CDKAL1: variants seen among roughly 807,000 people sequenced by gnomAD.
The protein encoded by CDKAL1 is threonylcarbamoyladenosine tRNA methylthiotransferase.
In CDKAL1, 32 loss-of-function variants were observed where a neutral mutation model predicts 68.2. The observed-to-expected ratio is 0.47, with a 90% CI of 0.35 to 0.63. The LOEUF is 0.63. Among genes scored for constraint, CDKAL1 ranks in the 30% least tolerant of loss-of-function variants. The pLI is 0.00. For synonymous variants in CDKAL1, 234 were observed against 244.3 expected, an observed-to-expected ratio of 0.96 and a Z score of 0.39; for missense variants, 606 against 696.7, an observed-to-expected ratio of 0.87 and a Z score of 1.47.
At chr6:21,125,683 A>C (rs917353423) in intron 13 of CDKAL1, among the ~76,000 whole-genome samples, 19 of 152,280 alleles carry the variant, frequency 1.2e-4, no homozygotes, top group East Asian at 3.9e-4. Context: ...CCATCTCAAA[A>C]AAACAAACAA....
intron 4 of CDKAL1, among the ~76,000 whole-genome samples, chr6:20,618,722 A>G: frequency 6.6e-6 from 1 of 151,726 alleles, no homozygotes; most frequent in Non-Finnish European, 1.5e-5. Flanking sequence ...TCTGTCACCC[A>G]GGCTGGAGTG....
intron 15 of CDKAL1, among the ~76,000 whole-genome samples, chr6:21,229,224 G>A (rs138427220): frequency 0.017 from 2,651 of 152,196 alleles, 37 homozygotes; most frequent in Admixed American, 0.056. Context: ...GTGGAAACTG[G>A]GCTGTAGAAG....
In CDKAL1 at chr6:20,613,249, C is replaced by CTTTTTTTTTTT. The variant is rs71559677; in HGVS notation, c.287-36011_287-36001dup. 5.0e-4 allele frequency among the ~76,000 whole-genome samples: 39 copies of CTTTTTTTTTTT among 77,866 alleles called. 8 individuals are homozygous for CTTTTTTTTTTT. Among genetic ancestry groups the CTTTTTTTTTTT allele is most frequent in the Admixed American group, 8.1e-4 (5 of 6,174 alleles). The allele number at this position is 77,866 out of a possible 152,430, so 51.1% of individuals were successfully genotyped here. ...TATCAGTTCATCACAAAATTTCTTT[C>CTTTTTTTTTTT]TTTTTTTTTTTTTTTTTTTTTTTTT... On this transcript the variant is annotated intron_variant, in intron 4 of 15. Transcript: ENST00000274695.
At chr6:21,014,130 A>C (rs953933432) in intron 11 of CDKAL1, among the ~76,000 whole-genome samples, 2 of 152,212 alleles carry the variant, frequency 1.3e-5, no homozygotes, top group African/African-American at 4.8e-5. Context: ...GAAATTGTAC[A>C]GGACACTTCA....
At chr6:21,219,707 A>G (rs1041808496) in intron 15 of CDKAL1, among the ~76,000 whole-genome samples, 8 of 152,222 alleles carry the variant, frequency 5.3e-5, no homozygotes, top group African/African-American at 1.2e-4. Context: ...GATACTAAGA[A>G]CAGGATGAGA....
chr6:20,769,154 C>T (rs140952465), intron 7 of CDKAL1, among the ~76,000 whole-genome samples: 55 of 152,144 alleles, frequency 3.6e-4, no homozygotes, highest in African/African-American at 1.3e-3. Flanking sequence ...GTAACTCACA[C>T]CCGGGAAAGT....
chr6:20,719,695 C>A (rs1005243534), intron 5 of CDKAL1, among the ~76,000 whole-genome samples: 1 of 151,942 alleles, frequency 6.6e-6, no homozygotes, highest in Non-Finnish European at 1.5e-5. Flanking sequence ...TATAGTTTAG[C>A]GAATTAAGTA....
At chr6:20,711,837 A>G (rs1771861406) in intron 5 of CDKAL1, among the ~76,000 whole-genome samples, 1 of 152,244 alleles carries the variant, frequency 6.6e-6, no homozygotes, top group South Asian at 2.1e-4. Flanking sequence ...GATGACAGCC[A>G]GTAAAGAGAG....
At chr6:21,099,831 G>T (rs1773494428) in intron 12 of CDKAL1, among the ~76,000 whole-genome samples, 1 of 152,224 alleles carries the variant, frequency 6.6e-6, no homozygotes, top group African/African-American at 2.4e-5. Context: ...TGGCCTAACT[G>T]CTAGTAAAGG....
chr6:21,135,467 A>G (rs1562060292), intron 13 of CDKAL1, among the ~76,000 whole-genome samples: 1 of 152,210 alleles, frequency 6.6e-6, no homozygotes, highest in Non-Finnish European at 1.5e-5. Flanking sequence ...CCCATGTCAC[A>G]GTAAATTTTA....
intron 5 of CDKAL1, among the ~76,000 whole-genome samples, chr6:20,668,904 A>T (rs1769677386): frequency 6.6e-6 from 1 of 152,128 alleles, no homozygotes; most frequent in Non-Finnish European, 1.5e-5. Context: ...CATTTGCTTG[A>T]TATTTCTTCA....
intron 5 of CDKAL1, among the ~76,000 whole-genome samples, chr6:20,714,406 T>TG (rs1491097335): frequency 2.5e-4 from 26 of 104,154 alleles, no homozygotes; most frequent in Non-Finnish European, 3.8e-4. Flanking sequence ...TTTTTTTTTT[T>TG]GAGACAGAAT....
intron 2 of CDKAL1, among the ~76,000 whole-genome samples, chr6:20,538,217 A>G (rs1581691478): frequency 6.7e-6 from 1 of 150,086 alleles, no homozygotes; most frequent in Non-Finnish European, 1.5e-5. Context: ...AGTGTGGTTG[A>G]GCATTCTTTC....
chr6:20,815,618 A>T lies in CDKAL1; in HGVS notation c.639-30457A>T, dbSNP rs189808210. Among the ~76,000 whole-genome samples the T allele has an allele frequency of 3.1e-3, 467 of 150,492 alleles. 1 individual carries two copies. Among genetic ancestry groups the T allele is most frequent in the African/African-American group, 0.011 (442 of 40,884 alleles). On this transcript the variant is annotated intron_variant, in intron 8 of 15. Coordinates refer to ENST00000274695, the MANE Select transcript of CDKAL1 (RefSeq NM_017774.3). ...CTGATTAGTTTAACTGACTACACTT[A>T]AAAAAAAATTAGTCATCTTTATTGG... is the stretch of plus-strand genomic sequence containing the variant.
chr6:21,059,552 C>T (rs759511924), intron 11 of CDKAL1, among the ~76,000 whole-genome samples: 32 of 152,188 alleles, frequency 2.1e-4, no homozygotes, highest in Non-Finnish European at 3.7e-4. Flanking sequence ...TGAGAGCTCC[C>T]CTTGCCCCAT....
intron 15 of CDKAL1, among the ~76,000 whole-genome samples, chr6:21,222,444 T>C (rs969014568): frequency 3.3e-5 from 5 of 152,234 alleles, no homozygotes; most frequent in African/African-American, 1.2e-4. Flanking sequence ...GAGCGATTAA[T>C]TCCAACTTCA....
At chr6:20,994,742 G>A (rs538728431) in intron 10 of CDKAL1, among the ~76,000 whole-genome samples, 7 of 152,252 alleles carry the variant, frequency 4.6e-5, no homozygotes, top group South Asian at 2.1e-4. Context: ...ATACAATAGC[G>A]TTATGTGTAA....
intron 13 of CDKAL1, among the ~76,000 whole-genome samples, chr6:21,115,250 C>T (rs746058517): frequency 6.6e-6 from 1 of 152,230 alleles, no homozygotes; most frequent in Non-Finnish European, 1.5e-5. Flanking sequence ...CCATTTGACT[C>T]AATCCTGAGA....
intron 5 of CDKAL1, among the ~76,000 whole-genome samples, chr6:20,687,789 G>C (rs1331704854): frequency 6.6e-6 from 1 of 152,098 alleles, no homozygotes; most frequent in Admixed American, 6.6e-5. Flanking sequence ...GCCTACCATA[G>C]TGCTAGGATT....
Sources: gnomAD v4.1 joint callset for allele counts (sites outside exome capture counted in the v4.1 genomes callset) on GRCh38, gnomAD v4.1.1 for gene constraint, MANE v1.5 for transcripts, NCBI Gene and HGNC (gene_info 2026-07-23, HGNC 2026-07-21) for gene names.